B3GALNT2: variants seen among roughly 807,000 people sequenced by gnomAD.
B3GALNT2 encodes the protein beta-1,3-N-acetylgalactosaminyltransferase 2.
B3GALNT2 carries 53 observed loss-of-function variants against 61.1 expected under a neutral mutation model. The observed-to-expected ratio is 0.87, with a 90% confidence interval of 0.70 to 1.09. The LOEUF (loss-of-function observed/expected upper bound fraction) is 1.09. Among genes scored for constraint, B3GALNT2 ranks in the 50% least tolerant of loss-of-function variants. The probability of loss-of-function intolerance (pLI) is 0.00; values close to 1 mark genes in which losing one functional copy is unlikely to be tolerated. For missense variants in B3GALNT2, 544 were observed against 623.0 expected, an observed-to-expected ratio of 0.87 and a Z score of 1.35; for synonymous variants, 223 against 237.4, an observed-to-expected ratio of 0.94 and a Z score of 0.56.
chr1:235,455,814 G>C, intron 8 of B3GALNT2, 130 bp from the exon 9 acceptor site: 1 of 1,179,646 alleles, frequency 8.5e-7, no homozygotes. Context: ...CAAATGTTGA[G>C]AACATTTGCT....
chr1:235,499,238 G>A (rs939444246), intron 1 of B3GALNT2, among the ~76,000 whole-genome samples: 2 of 152,072 alleles, frequency 1.3e-5, no homozygotes, highest in Non-Finnish European at 1.5e-5. Context: ...GATACTAGAC[G>A]GTTCTGTTTA....
At position 235,504,420 on chromosome 1, in the gene B3GALNT2, T is replaced by A; in HGVS notation, c.-168A>T. The stretch of plus-strand genomic sequence containing the variant: ...TCCTCGCAGCTCCCGGCCCCGCTCC[T>A]CCGGTCCCTCAGACCGCGGGTGGCC... On this transcript the variant is annotated 5_prime_UTR_variant, in exon 1 of 12. Transcript: ENST00000366600. The A allele has an allele frequency of 1.5e-6, 1 of 689,442 alleles. No individual in the cohort carries two copies. 42.7% of individuals were successfully genotyped at this position (689,442 alleles called of 1,614,324 possible). A position where few individuals can be genotyped will look rare whatever the true frequency, so the allele number is the denominator to read the frequency against.
At chr1:235,446,325 C>T (rs546161595), downstream of B3GALNT2, among the ~76,000 whole-genome samples, 79 of 152,140 alleles carry the variant, frequency 5.2e-4, no homozygotes, top group Middle Eastern at 6.8e-3. Context: ...AACAGGTGCC[C>T]GCCACCATGC....
rs1028113129 is a variant in B3GALNT2, at chr1:235,489,415, T to C, written c.261-147A>G. On this transcript the variant is annotated intron_variant, in intron 2 of 11. Transcript: ENST00000366600. ...CCTTTATTCTTCTAGTCAGACAAAA[T>C]GGGGGAACAAGTAAACTGAAAGTTG... 4.5e-6 allele frequency: 6 copies of C among 1,324,934 alleles called. No homozygotes were observed. In the Admixed American group the frequency reaches 1.1e-4, roughly 25 times the overall value. 82.1% of individuals were successfully genotyped at this position (1,324,934 alleles called of 1,614,324 possible). A position where few individuals can be genotyped will look rare whatever the true frequency, so the allele number is the denominator to read the frequency against.
At chr1:235,441,687 G>A in the B3GALNT2 span, 1 of 797,570 alleles carries the variant, frequency 1.3e-6, no homozygotes, top group Non-Finnish European at 2.1e-6. Context: ...AATAAAGGCA[G>A]CTCCATGTGT....
intron 1 of B3GALNT2, among the ~76,000 whole-genome samples, chr1:235,497,488 T>C (rs193060670): frequency 6.6e-6 from 1 of 152,338 alleles, no homozygotes; most frequent in East Asian, 1.9e-4. Context: ...TCACATTTAA[T>C]CTAAATGCCT....
chr1:235,500,893 T>C (rs1012875716), intron 1 of B3GALNT2, among the ~76,000 whole-genome samples: 21 of 152,166 alleles, frequency 1.4e-4, no homozygotes, highest in African/African-American at 5.1e-4. Context: ...ATAGGGATAA[T>C]TTTGGAAGAA....
chr1:235,453,390 TAAGCTTCCAGGAAGCACTTA>T, intron 10 of B3GALNT2, among the ~76,000 whole-genome samples: 1 of 151,992 alleles, frequency 6.6e-6, no homozygotes, highest in East Asian at 1.9e-4. Context: ...TCATGTACCT[TAAGCTTCCAGGAAGCACTTA>T]GGGCTTCCTC....
At chr1:235,445,380 G>A (rs1392846898), downstream of B3GALNT2, among the ~76,000 whole-genome samples, 1 of 152,188 alleles carries the variant, frequency 6.6e-6, no homozygotes, top group Non-Finnish European at 1.5e-5. Flanking sequence ...TGTAATCCTA[G>A]CACTTTGGGA....
chr1:235,444,881 ACT>A (rs747267818), downstream of B3GALNT2, among the ~76,000 whole-genome samples: 4 of 152,254 alleles, frequency 2.6e-5, no homozygotes, highest in Non-Finnish European at 5.9e-5. Flanking sequence ...TCTGGAAGGC[ACT>A]GAGGTAGACC....
At chr1:235,445,194 CCTTT>C (rs1682162336), downstream of B3GALNT2, among the ~76,000 whole-genome samples, 2 of 152,338 alleles carry the variant, frequency 1.3e-5, no homozygotes, top group African/African-American at 4.8e-5. Flanking sequence ...TACAAGGGTT[CCTTT>C]TTTTCCCCTT....
Position 235,447,656 on chromosome 1 carries a change from C to G in B3GALNT2, c.*2550G>C, listed in dbSNP as rs774845934. Reference sequence around the variant, plus strand: ...GATACCTGAGTCCCATTCCAGTGTTCGTTCAGTAATTCATAAGGAAGTCAT... The same window carrying G: ...GATACCTGAGTCCCATTCCAGTGTTGGTTCAGTAATTCATAAGGAAGTCAT... On this transcript the variant is annotated 3_prime_UTR_variant, in exon 12 of 12. Coordinates refer to ENST00000366600, the MANE Select transcript of B3GALNT2 (RefSeq NM_152490.5). Among the ~76,000 whole-genome samples, 2 of 152,046 alleles carry G rather than the reference C, an allele frequency of 1.3e-5. No homozygotes were observed. The highest frequency in any genetic ancestry group is 3.8e-4 in the East Asian group (2 of 5,200).
At chr1:235,492,681 G>A (rs1417705729) in intron 2 of B3GALNT2, among the ~76,000 whole-genome samples, 1 of 152,122 alleles carries the variant, frequency 6.6e-6, no homozygotes, top group African/African-American at 2.4e-5. Context: ...GATGCCAGCT[G>A]GTGATAAGTG....
intron 10 of B3GALNT2, 42 bp from the exon 11 acceptor site, chr1:235,453,188 CTATT>C: frequency 6.4e-7 from 1 of 1,552,860 alleles, no homozygotes; most frequent in Non-Finnish European, 8.9e-7. Context: ...AATTTTAATG[CTATT>C]TTATTTGTAA....
At position 235,449,006 on chromosome 1, in the gene B3GALNT2, T is replaced by G. The variant is rs1682706174; in HGVS notation, c.*1200A>C. ...CTTATTTCATATTTATTTTTACAGC[T>G]CATCACTGCATTTCATGATAAGATT... On this transcript the variant is annotated 3_prime_UTR_variant, in exon 12 of 12. Coordinates refer to ENST00000366600, the MANE Select transcript of B3GALNT2 (RefSeq NM_152490.5). 2.4e-6 allele frequency: 1 copy of G among 409,978 alleles called. No individual in the cohort carries two copies. The highest frequency in any genetic ancestry group is 4.6e-6 in the Non-Finnish European group (1 of 219,630). The allele number at this position is 409,978 out of a possible 1,614,324, so 25.4% of individuals were successfully genotyped here.
intron 7 of B3GALNT2, chr1:235,464,747 C>T (rs1376419556): frequency 6.6e-6 from 1 of 151,896 alleles, no homozygotes; most frequent in South Asian, 2.1e-4. Context: ...AGAGTGAGGC[C>T]TCGTCTCAGA....
chr1:235,471,077 T>G, intron 5 of B3GALNT2, 117 bp from the exon 6 acceptor site: 1 of 1,493,022 alleles, frequency 6.7e-7, no homozygotes, highest in Non-Finnish European at 8.9e-7. Flanking sequence ...CATTTAAAAT[T>G]TTCACCCCAT....
chr1:235,494,631 A>G, intron 2 of B3GALNT2, 50 bp downstream of exon 2: 3 of 1,562,200 alleles, frequency 1.9e-6, no homozygotes, highest in Non-Finnish European at 2.6e-6. Context: ...TAGGTTTTTC[A>G]GAACTCTTAT....
Position 235,489,182 on chromosome 1 carries a change from T to C in B3GALNT2, c.347A>G (p.Asn116Ser), listed in dbSNP as rs1572547857. 1 of 1,613,938 alleles carries C rather than the reference T, an allele frequency of 6.2e-7. No individual in the cohort carries two copies. Among genetic ancestry groups the C allele is most frequent in the Non-Finnish European group, 8.5e-7 (1 of 1,179,912 alleles). Residue 116 changes from asparagine (N) to serine (S), a missense_variant, in exon 3 of 12, where the codon AAC becomes AGC. Physicochemically the swap from Asn to Ser is conservative, Grantham distance 46. Transcript: ENST00000366600. ...AGATGACTTACCTGGATTTGTGATG[T>C]TGAGTAGTTTACAGGAATAAGGATC... ...REDPYSCKLL[N>S]ITNPVLNQEI...
Sources: allele counts gnomAD v4.1 joint callset (sites outside exome capture counted in the v4.1 genomes callset), GRCh38; gene constraint gnomAD v4.1.1; transcripts MANE v1.5; gene names NCBI Gene and HGNC (gene_info 2026-07-23, HGNC 2026-07-21).